Variants in CYP19A1 observed in about 807,000 individuals in gnomAD.
The protein encoded by CYP19A1 is cytochrome P450 family 19 subfamily A member 1.
In CYP19A1, 32 loss-of-function variants were observed where a neutral mutation model predicts 44.4. That is an observed-to-expected ratio of 0.72 (90% CI 0.54 to 0.97). The LOEUF is 0.97. CYP19A1 is among the 50% of genes least tolerant of loss of function. The pLI is 0.00. For synonymous variants in CYP19A1, 212 were observed against 215.6 expected (o/e 0.98, Z 0.14); for missense variants, 598 against 637.8 (o/e 0.94, Z 0.67).
intron 3 of CYP19A1, among the ~76,000 whole-genome samples, chr15:51,231,282 C>A (rs950063680): frequency 6.6e-6 from 1 of 152,108 alleles, no homozygotes; most frequent in African/African-American, 2.4e-5. Flanking sequence ...GTAAATGACA[C>A]CCTGATGAAA....
intron 1 of CYP19A1, among the ~76,000 whole-genome samples, chr15:51,254,777 G>A (rs983715551): frequency 6.6e-6 from 1 of 152,130 alleles, no homozygotes; most frequent in Non-Finnish European, 1.5e-5. Flanking sequence ...TGTCTCTGAT[G>A]CTAACAATTC....
In CYP19A1 at chr15:51,212,516, A is replaced by T; in HGVS notation, c.1067T>A (p.Met356Lys). Reference sequence around the variant, plus strand: ...CATGCTCTCATAAATGAAGTTTTCCATCACTTTTAATTTTTGTATATCATC... The same window carrying T: ...CATGCTCTCATAAATGAAGTTTTCCTTCACTTTTAATTTTTGTATATCATC... ...KIDDIQKLKV[M>K]ENFIYESMRY... The change falls in exon 9 of 10, where the codon ATG becomes AAG. Residue 356 changes from methionine (M) to lysine (K), a missense_variant. Coordinates refer to ENST00000396402, the MANE Select transcript of CYP19A1 (RefSeq NM_000103.4). 3.2e-6 allele frequency: 5 copies of T among 1,545,808 alleles called. No homozygotes were observed. The highest frequency in any genetic ancestry group is 4.5e-6 in the Non-Finnish European group (5 of 1,117,654).
At chr15:51,291,360 A>G (rs1471222592) in intron 1 of CYP19A1, among the ~76,000 whole-genome samples, 2 of 152,060 alleles carry the variant, frequency 1.3e-5, no homozygotes, top group Non-Finnish European at 2.9e-5. Flanking sequence ...GAGAACGTAC[A>G]TTATTACAAT....
intron 1 of CYP19A1, among the ~76,000 whole-genome samples, chr15:51,259,229 T>C (rs992885754): frequency 2.0e-5 from 3 of 152,216 alleles, no homozygotes; most frequent in African/African-American, 4.8e-5. Flanking sequence ...CTAGTAATCA[T>C]CAAAGCCCAA....
At chr15:51,240,193 G>T (rs1481651959) in intron 2 of CYP19A1, among the ~76,000 whole-genome samples, 2 of 152,062 alleles carry the variant, frequency 1.3e-5, no homozygotes, top group Non-Finnish European at 2.9e-5. Flanking sequence ...TCCCCTCGGG[G>T]CAGAAACCAC....
intron 1 of CYP19A1, among the ~76,000 whole-genome samples, chr15:51,265,952 G>C (rs1274272999): frequency 1.3e-5 from 2 of 152,200 alleles, no homozygotes; most frequent in African/African-American, 4.8e-5. Flanking sequence ...GGATATGCCT[G>C]GTCTGGATAA....
At chr15:51,224,870 G>A (rs779164022) in intron 4 of CYP19A1, among the ~76,000 whole-genome samples, 14 of 152,178 alleles carry the variant, frequency 9.2e-5, no homozygotes, top group Non-Finnish European at 1.5e-4. Context: ...AGGACTTACC[G>A]ACAGGGCCCT....
chr15:51,269,901 C>T (rs2035062218), intron 1 of CYP19A1, among the ~76,000 whole-genome samples: 1 of 152,182 alleles, frequency 6.6e-6, no homozygotes, highest in Non-Finnish European at 1.5e-5. Flanking sequence ...TTATCTTTCC[C>T]AGTCATTTGC....
rs16964204 is a variant in CYP19A1 at position 51,223,736 on chromosome 15, T to G, written c.452-1211A>C. Among the ~76,000 whole-genome samples, 781 of 152,052 alleles carry G rather than the reference T, an allele frequency of 5.1e-3. 10 individuals carry two copies. The highest frequency in any genetic ancestry group is 0.018 in the African/African-American group (753 of 41,454). ...AGACTTTTGAGATTTCCATACATCT[T>G]GGAAGGAAGGTTGAGGAAGGAGCAG... On this transcript the variant is annotated intron_variant, in intron 4 of 9. Transcript: ENST00000396402.
chr15:51,214,165 A>G (rs912424312), intron 8 of CYP19A1, among the ~76,000 whole-genome samples: 1 of 152,262 alleles, frequency 6.6e-6, no homozygotes, highest in African/African-American at 2.4e-5. Context: ...AAGAGAGGGA[A>G]GTCCACATTC....
At chr15:51,318,975 A>G (rs1595782711) in intron 1 of CYP19A1, 1 of 152,312 alleles carries the variant, frequency 6.6e-6, no homozygotes, top group African/African-American at 2.4e-5. Flanking sequence ...TTCACAGGAA[A>G]CACCCTGAGA....
chr15:51,252,170 T>C (rs1201179219), intron 1 of CYP19A1, among the ~76,000 whole-genome samples: 1 of 152,230 alleles, frequency 6.6e-6, no homozygotes, highest in Non-Finnish European at 1.5e-5. Flanking sequence ...GGCCAACTTC[T>C]CTAGCTCTTC....
chr15:51,338,059 G>T (rs1448416835), intron 1 of CYP19A1, among the ~76,000 whole-genome samples: 3 of 152,084 alleles, frequency 2.0e-5, no homozygotes, highest in Admixed American at 6.5e-5. Context: ...CAGCTTCTTG[G>T]CCTGAAGTTG....
At position 51,245,415 on chromosome 15, in the gene CYP19A1, T is replaced by C. The variant is rs55736385; in HGVS notation, c.-38-2465A>G. 2.0e-5 allele frequency among the ~76,000 whole-genome samples: 3 copies of C among 152,334 alleles called. No individual in the cohort carries two copies. The East Asian group carries it at 5.8e-4, about 29-fold the overall frequency. On this transcript the variant is annotated intron_variant, in intron 1 of 9. Coordinates refer to ENST00000396402, the MANE Select transcript of CYP19A1 (RefSeq NM_000103.4). ...TGCAGGTTAGTTACATACGTATACA[T>C]GTGCCATGCTGGTGTGCTGCACCCA...
chr15:51,297,509 A>G (rs1298045486), intron 1 of CYP19A1, among the ~76,000 whole-genome samples: 1 of 152,030 alleles, frequency 6.6e-6, no homozygotes, highest in African/African-American at 2.4e-5. Flanking sequence ...GCAGCCTCTC[A>G]TTCCCCTCCA....
In CYP19A1 at chr15:51,242,673, T is replaced by C. The variant is rs1006907638; in HGVS notation, c.145+95A>G. 7 of 761,710 alleles carry C rather than the reference T, an allele frequency of 9.2e-6. No individual in the cohort carries two copies. The African/African-American group carries it at 1.0e-4, about 11-fold the overall frequency. The allele number at this position is 761,710 out of a possible 1,614,324, so 47.2% of individuals were successfully genotyped here. ...TAGTCTTCAGAGATCTTTCCAGGTTTGCTTTTTGTCCTTTTGCAAAATTTT... is the reference window on the plus strand; with the variant it reads ...TAGTCTTCAGAGATCTTTCCAGGTTCGCTTTTTGTCCTTTTGCAAAATTTT... On this transcript the variant is annotated intron_variant, in intron 2 of 9. Transcript: ENST00000396402.
At chr15:51,283,054 A>T (rs183597017) in intron 1 of CYP19A1, among the ~76,000 whole-genome samples, 106 of 152,292 alleles carry the variant, frequency 7.0e-4, no homozygotes, top group African/African-American at 2.5e-3. Context: ...TGGAGCAAAA[A>T]TTCCAGTTTT....
At chr15:51,282,535 A>G (rs2035555307) in intron 1 of CYP19A1, among the ~76,000 whole-genome samples, 1 of 152,224 alleles carries the variant, frequency 6.6e-6, no homozygotes, top group Non-Finnish European at 1.5e-5. Context: ...ACCAATAAAT[A>G]GTCTGGGCTT....
rs1356666512 is a variant in CYP19A1 at position 51,223,593 on chromosome 15, T to TCTCTCTCACACACACA, written c.452-1069_452-1068insTGTGTGTGTGAGAGAG. Among the ~76,000 whole-genome samples the TCTCTCTCACACACACA allele has an allele frequency of 4.7e-3, 422 of 90,200 alleles. 1 individual carries two copies. The highest frequency in any genetic ancestry group is 9.7e-3 in the African/African-American group (233 of 24,066). The allele number at this position is 90,200 out of a possible 152,430, so 59.2% of individuals were successfully genotyped here. A position where few individuals can be genotyped will look rare whatever the true frequency, so the allele number is the denominator to read the frequency against. ...CTTGCTCTCTCTCTCTCTCTCTCTC[T>TCTCTCTCACACACACA]CACACACACACACACACACACACAC... On this transcript the variant is annotated intron_variant, in intron 4 of 9. Transcript: ENST00000396402.
Sources: allele counts gnomAD v4.1 joint callset (sites outside exome capture counted in the v4.1 genomes callset), GRCh38; gene constraint gnomAD v4.1.1; transcripts MANE v1.5; gene names NCBI Gene and HGNC (gene_info 2026-07-23, HGNC 2026-07-21).